The following NDRG4 variants were observed in gnomAD, a reference collection of about 807,000 sequenced individuals.
NDRG4 encodes protein NDRG4.
A neutral mutation model predicts 55.8 loss-of-function variants in NDRG4; 38 were observed. The observed-to-expected ratio is 0.68, with a 90% confidence interval of 0.53 to 0.89. The LOEUF is 0.89. Ranked by LOEUF, NDRG4 falls within the 40% of genes least tolerant of loss-of-function variation. The pLI is 0.00. For synonymous variants in NDRG4, 190 were observed against 182.7 expected, an observed-to-expected ratio of 1.04 and a Z score of -0.32; for missense variants, 455 against 468.6, an observed-to-expected ratio of 0.97 and a Z score of 0.27.
chr16:58,511,757 GTCC>G lies in NDRG4; in HGVS notation c.*187_*189del, dbSNP rs1434086197. 6 of 754,692 alleles carry G rather than the reference GTCC, an allele frequency of 8.0e-6. No individual in the cohort carries two copies. Among genetic ancestry groups the G allele is most frequent in the Non-Finnish European group, 1.4e-5 (6 of 442,358 alleles). The allele number at this position is 754,692 out of a possible 1,614,324, so 46.7% of individuals were successfully genotyped here. A position where few individuals can be genotyped will look rare whatever the true frequency, so the allele number is the denominator to read the frequency against. On this transcript the variant is annotated 3_prime_UTR_variant, in exon 15 of 15. Transcript: ENST00000570248. ...GTCTCCAGGTGTTTTAAGGGGCTCA[GTCC>G]TCCTCATCCCATCTCACTCTCCGTG...
chr16:58,495,112 C>A, intron 3 of NDRG4: 1 of 1,143,544 alleles, frequency 8.7e-7, no homozygotes. Flanking sequence ...CTGTGTGCCC[C>A]CTGCCTAACA....
chr16:58,500,379 C>A (rs916119933), intron 1 of NDRG4, 110 bp downstream of exon 1: 6 of 1,403,794 alleles, frequency 4.3e-6, no homozygotes, highest in South Asian at 1.4e-5. Flanking sequence ...GGCAGCCCGG[C>A]CTTCAAATAG....
upstream of NDRG4, among the ~76,000 whole-genome samples, chr16:58,497,474 C>T (rs1321022986): frequency 3.3e-5 from 5 of 152,348 alleles, no homozygotes; most frequent in East Asian, 9.6e-4. Context: ...GTACTAGTAG[C>T]TGCCGCTGCT....
chr16:58,500,491 C>CT, intron 1 of NDRG4: 2 of 521,112 alleles, frequency 3.8e-6, no homozygotes, highest in Non-Finnish European at 6.5e-6. Flanking sequence ...GAGCCCATAG[C>CT]AGGGGCTGGG....
intron 1 of NDRG4, among the ~76,000 whole-genome samples, chr16:58,484,485 G>A (rs2034840495): frequency 6.6e-6 from 1 of 152,214 alleles, no homozygotes. Flanking sequence ...TCAAAATAAA[G>A]CAAGCTGTTG....
intron 2 of NDRG4, among the ~76,000 whole-genome samples, chr16:58,490,690 AT>A: frequency 6.6e-6 from 1 of 152,204 alleles, no homozygotes; most frequent in East Asian, 1.9e-4. Flanking sequence ...CAAAAGCCCC[AT>A]TCCCGCCAGA....
In NDRG4 at chr16:58,506,987, C is replaced by T. The variant is rs779392906; in HGVS notation, c.592C>T (p.Leu198=). The change falls in exon 8 of 15, where the codon CTG becomes TTG. Residue 198 remains leucine (L), a synonymous_variant. Coordinates refer to ENST00000570248, the MANE Select transcript of NDRG4 (RefSeq NM_001242835.2). ...TGGGAACGTGGTGAACCAGGCCAAC[C>T]TGCAGCTCTTCTGGAACATGTACAA... ...QIGNVVNQAN[L]QLFWNMYNSR... The T allele has an allele frequency of 1.2e-6, 2 of 1,613,996 alleles. No homozygotes were observed. Among genetic ancestry groups the T allele is most frequent in the South Asian group, 2.2e-5 (2 of 91,004 alleles).
chr16:58,493,641 A>G (rs2036043267), intron 2 of NDRG4, among the ~76,000 whole-genome samples: 1 of 152,212 alleles, frequency 6.6e-6, no homozygotes, highest in South Asian at 2.1e-4. Context: ...GGGCAGAACG[A>G]TGGGCAACAC....
intron 8 of NDRG4, chr16:58,507,272 G>T: frequency 1.9e-6 from 1 of 528,170 alleles, no homozygotes. Flanking sequence ...GGAATGTTGG[G>T]GGTGTTAGTG....
downstream of NDRG4, chr16:58,513,755 C>G (rs1450415937): frequency 6.6e-6 from 1 of 151,988 alleles, no homozygotes; most frequent in Non-Finnish European, 1.5e-5. Flanking sequence ...GCCAGCAGTT[C>G]GAGACCAGCC....
chr16:58,510,555 C>T (rs1326558853), intron 13 of NDRG4, 90 bp from the exon 14 acceptor site: 3 of 1,137,690 alleles, frequency 2.6e-6, no homozygotes, highest in African/African-American at 1.5e-5. Flanking sequence ...TCTGGCTCAT[C>T]TCAATGCCCT....
At chr16:58,491,182 A>G (rs2035742725) in intron 2 of NDRG4, among the ~76,000 whole-genome samples, 1 of 151,784 alleles carries the variant, frequency 6.6e-6, no homozygotes, top group Non-Finnish European at 1.5e-5. Context: ...AGGCTGAGGC[A>G]GGAGAATCAC....
In NDRG4 at chr16:58,503,834, G is replaced by A. The variant is rs1254429204; in HGVS notation, c.58G>A (p.Val20Ile). ...CGAGACACCCTACGGCCTTCTGCAT[G>A]TAGTGATCCGGGGCTCCCCCAAGGG... ...DIETPYGLLH[V>I]VIRGSPKGNR... The change falls in exon 2 of 15, where the codon GTA (valine) becomes ATA (isoleucine). Residue 20 changes from valine (V) to isoleucine (I), a missense_variant. Physicochemically the swap from Val to Ile is conservative, Grantham distance 29. Coordinates refer to ENST00000570248, the MANE Select transcript of NDRG4 (RefSeq NM_001242835.2). 4 of 1,613,866 alleles carry A rather than the reference G, an allele frequency of 2.5e-6. No individual in the cohort carries two copies. Among genetic ancestry groups the A allele is most frequent in the East Asian group, 2.2e-5 (1 of 44,878 alleles).
chr16:58,465,171 G>A (rs910398446), intron 1 of NDRG4: 2 of 1,206,106 alleles, frequency 1.7e-6, no homozygotes, highest in East Asian at 1.1e-4. Flanking sequence ...AAAGCAACCC[G>A]GTTTCCTCCA....
chr16:58,495,403 G>A (rs1023042916), upstream of NDRG4: 6 of 194,272 alleles, frequency 3.1e-5, no homozygotes, highest in African/African-American at 4.6e-5. Context: ...TTGCTCACTC[G>A]GCCAGTCGTT....
intron 1 of NDRG4, among the ~76,000 whole-genome samples, chr16:58,485,202 A>G (rs548420418): frequency 3.9e-5 from 6 of 152,220 alleles, no homozygotes; most frequent in African/African-American, 1.4e-4. Flanking sequence ...CTTTAGAAGA[A>G]ACTTCTCTGC....
intron 2 of NDRG4, chr16:58,494,832 TA>T (rs59711785): frequency 0.035 from 18,986 of 536,648 alleles, no homozygotes; most frequent in South Asian, 0.071. Context: ...ACCCTGTCTC[TA>T]AAAAAAAAAA....
At chr16:58,474,615 T>C (rs948944801) in intron 1 of NDRG4, among the ~76,000 whole-genome samples, 4 of 152,196 alleles carry the variant, frequency 2.6e-5, no homozygotes, top group Non-Finnish European at 5.9e-5. Flanking sequence ...CTTAGGTTTG[T>C]TGATTTTTTG....
In NDRG4 at chr16:58,488,512, C is replaced by A. The variant is rs78392036; in HGVS notation, c.72+662C>A. Among the ~76,000 whole-genome samples the A allele has an allele frequency of 8.7e-4, 133 of 152,314 alleles. 3 individuals are homozygous for A. The East Asian group carries it at 0.025, about 28-fold the overall frequency. ...ACCACTTTCAAAAAGTGTGGGTTCC[C>A]TGCTTGTTGGATTCTGAGGCATCAG... On this transcript the variant is annotated intron_variant, in intron 2 of 15. Coordinates refer to the NDRG4 transcript ENST00000258187.
Sources: gnomAD v4.1 joint callset for allele counts (sites outside exome capture counted in the v4.1 genomes callset) on GRCh38, gnomAD v4.1.1 for gene constraint, MANE v1.5 for transcripts, NCBI Gene and HGNC (gene_info 2026-07-23, HGNC 2026-07-21) for gene names.